FYTTD1: variants seen among roughly 807,000 people sequenced by gnomAD.
FYTTD1 encodes the protein forty-two-three domain containing 1.
A neutral mutation model predicts 40.9 loss-of-function variants in FYTTD1; 22 were observed. That is an observed-to-expected ratio of 0.54 (90% CI 0.38 to 0.77). The LOEUF (loss-of-function observed/expected upper bound fraction) is 0.77, where lower values mean the gene tolerates loss of function less well. FYTTD1 is among the 30% of genes least tolerant of loss of function. The probability of loss-of-function intolerance (pLI) is 0.00; values close to 1 mark genes in which losing one functional copy is unlikely to be tolerated. For missense variants in FYTTD1, 351 were observed against 392.2 expected (o/e 0.90, Z 0.89); for synonymous variants, 140 against 137.9 (o/e 1.01, Z -0.10).
Position 197,776,909 on chromosome 3 carries a change from T to A in FYTTD1, c.657-18T>A, listed in dbSNP as rs1291221623. 8.4e-6 allele frequency: 13 copies of A among 1,553,450 alleles called. No individual in the cohort carries two copies. Among genetic ancestry groups the A allele is most frequent in the East Asian group, 2.2e-5 (1 of 44,590 alleles). The stretch of plus-strand genomic sequence containing the variant: ...CAACTTACATTTAATGAATTTTTTT[T>A]ATTTTTTTTGAAACTAGATGGCGGA... On this transcript the variant is annotated intron_variant, in intron 6 of 8. Coordinates refer to ENST00000241502, the MANE Select transcript of FYTTD1 (RefSeq NM_032288.7).
chr3:197,779,152 C>A (rs1018535561), intron 8 of FYTTD1, among the ~76,000 whole-genome samples: 1 of 152,132 alleles, frequency 6.6e-6, no homozygotes, highest in Non-Finnish European at 1.5e-5. Flanking sequence ...CGGTGGCTCA[C>A]GCCTGTAATC....
intron 2 of FYTTD1, 134 bp from the exon 3 acceptor site, chr3:197,768,305 T>C (rs1462349944): frequency 4.9e-6 from 3 of 606,682 alleles, no homozygotes; most frequent in Non-Finnish European, 7.9e-6. Context: ...AAGTATTTTA[T>C]GTAATTTAAA....
intron 2 of FYTTD1, chr3:197,763,637 A>C: frequency 3.1e-6 from 1 of 325,022 alleles, no homozygotes. Context: ...GAGTATAAAG[A>C]GGTACTGAGA....
intron 2 of FYTTD1, among the ~76,000 whole-genome samples, chr3:197,767,413 C>T (rs576047333): frequency 2.0e-5 from 3 of 150,252 alleles, no homozygotes; most frequent in Admixed American, 2.0e-4. Context: ...GCTGGGATTA[C>T]AGGTGTGAGC....
intron 2 of FYTTD1, among the ~76,000 whole-genome samples, chr3:197,762,755 A>G (rs111408781): frequency 0.041 from 6,227 of 151,918 alleles, 330 homozygotes; most frequent in African/African-American, 0.13. Flanking sequence ...GGTAGCGGGC[A>G]CCTGTAGTCC....
In FYTTD1 at chr3:197,787,460, G is replaced by C. The variant is rs1730178118; in HGVS notation, c.*5551G>C. ...ATATGTTTCTACTGAGTAGAAGGGGGAAGGGAGGACATAACCTTTGCATGA... is the reference window on the plus strand; with the variant it reads ...ATATGTTTCTACTGAGTAGAAGGGGCAAGGGAGGACATAACCTTTGCATGA... On this transcript the variant is annotated 3_prime_UTR_variant, in exon 9 of 9. Transcript: ENST00000241502. The C allele has an allele frequency of 6.6e-6, 1 of 152,224 alleles. No individual in the cohort carries two copies. The highest frequency in any genetic ancestry group is 2.4e-5 in the African/African-American group (1 of 41,442). 9.4% of individuals were successfully genotyped at this position (152,224 alleles called of 1,614,324 possible).
chr3:197,752,512 T>TG (rs1442398817), intron 1 of FYTTD1, among the ~76,000 whole-genome samples: 1 of 152,142 alleles, frequency 6.6e-6, no homozygotes, highest in African/African-American at 2.4e-5. Context: ...ATACACTATA[T>TG]GTAGTATGTC....
intron 8 of FYTTD1, among the ~76,000 whole-genome samples, chr3:197,781,524 C>CTT (rs1385244753): frequency 6.6e-6 from 1 of 152,016 alleles, no homozygotes; most frequent in African/African-American, 2.4e-5. Context: ...AGAGTTCTTA[C>CTT]TTTTATCAGT....
chr3:197,778,253 G>A, intron 7 of FYTTD1, 85 bp from the exon 8 acceptor site: 1 of 1,036,514 alleles, frequency 9.6e-7, no homozygotes, highest in East Asian at 2.7e-5. Flanking sequence ...ATTTGAACAT[G>A]TGTACAAGAT....
chr3:197,750,000 G>A lies in FYTTD1; in HGVS notation c.29G>A (p.Gly10Glu), dbSNP rs1272912530. ...AACCGGTTTGGTACCCGGTTGGTGG[G>A]AGCCACGGCGACTTCTTCGCCGCCG... MNRFGTRLV[G>E]ATATSSPPPK... Residue 10 changes from glycine to glutamate, a missense_variant, in exon 1 of 9, where the codon GGA (glycine) becomes GAA (glutamate). By Grantham distance (98) the Gly-to-Glu change is moderately conservative. Coordinates refer to ENST00000241502, the MANE Select transcript of FYTTD1 (RefSeq NM_032288.7). 7 of 1,583,264 alleles carry A rather than the reference G, an allele frequency of 4.4e-6. No individual in the cohort carries two copies. Among genetic ancestry groups the A allele is most frequent in the Non-Finnish European group, 3.4e-6 (4 of 1,166,626 alleles).
At chr3:197,758,493 GAA>G (rs1348339073) in intron 2 of FYTTD1, among the ~76,000 whole-genome samples, 1 of 152,180 alleles carries the variant, frequency 6.6e-6, no homozygotes, top group African/African-American at 2.4e-5. Flanking sequence ...TGTTGTAAGA[GAA>G]ATTCAAATAG....
At chr3:197,764,766 CAGA>C (rs1028173188) in intron 2 of FYTTD1, among the ~76,000 whole-genome samples, 3 of 148,030 alleles carry the variant, frequency 2.0e-5, no homozygotes, top group Non-Finnish European at 3.0e-5. Flanking sequence ...AAAAAAACAG[CAGA>C]AAGATTGATA....
chr3:197,786,189 C>G lies in FYTTD1; in HGVS notation c.*4280C>G, dbSNP rs1360155843. ...GGAGTGCAATGGTGCGATCTCGGCTCACCCCAACCTCCGCCTCCCGGGTTC... is the reference window on the plus strand; with the variant it reads ...GGAGTGCAATGGTGCGATCTCGGCTGACCCCAACCTCCGCCTCCCGGGTTC... On this transcript the variant is annotated 3_prime_UTR_variant, in exon 9 of 9. Transcript: ENST00000241502. 1 of 150,506 alleles carries G rather than the reference C, an allele frequency of 6.6e-6. No individual in the cohort carries two copies. The highest frequency in any genetic ancestry group is 1.5e-5 in the Non-Finnish European group (1 of 67,950). 9.3% of individuals were successfully genotyped at this position (150,506 alleles called of 1,614,324 possible). A position where few individuals can be genotyped will look rare whatever the true frequency, so the allele number is the denominator to read the frequency against.
intron 4 of FYTTD1, among the ~76,000 whole-genome samples, chr3:197,771,497 C>A (rs1397090719): frequency 6.6e-6 from 1 of 152,094 alleles, no homozygotes; most frequent in African/African-American, 2.4e-5. Flanking sequence ...AAAAATTAGG[C>A]CGGGTGCGGT....
Position 197,778,480 on chromosome 3 carries a change from C to G in FYTTD1, c.858+16C>G, listed in dbSNP as rs1560501203. ...CGGAAAACAGGTAAAAAAACGTTTTCTGTATTTTCTTGGGTCATTTGCTGA... is the reference window on the plus strand; with the variant it reads ...CGGAAAACAGGTAAAAAAACGTTTTGTGTATTTTCTTGGGTCATTTGCTGA... On this transcript the variant is annotated intron_variant, in intron 8 of 8. Transcript: ENST00000241502. 6 of 1,569,406 alleles carry G rather than the reference C, an allele frequency of 3.8e-6. No individual in the cohort carries two copies. Among genetic ancestry groups the G allele is most frequent in the Non-Finnish European group, 5.2e-6 (6 of 1,148,914 alleles).
chr3:197,772,471 C>T (rs998843046), intron 4 of FYTTD1, among the ~76,000 whole-genome samples: 15 of 152,130 alleles, frequency 9.9e-5, no homozygotes, highest in Admixed American at 9.8e-4. Flanking sequence ...ACCACCATGG[C>T]ACATGTATAG....
intron 6 of FYTTD1, 140 bp downstream of exon 6, chr3:197,774,350 C>G: frequency 1.4e-6 from 1 of 692,236 alleles, no homozygotes; most frequent in Admixed American, 2.4e-5. Context: ...CATAGTGGTG[C>G]TACACACCTG....
At chr3:197,749,597 G>A, upstream of FYTTD1, 1 of 1,206,116 alleles carries the variant, frequency 8.3e-7, no homozygotes, top group Non-Finnish European at 1.1e-6. Context: ...GTCTGCAGCA[G>A]GAGGGACTCG....
chr3:197,768,965 A>G lies in FYTTD1; in HGVS notation c.384+378A>G, dbSNP rs1173336134. ...GTGCCACCACTCCCAGCTAATTTTC[A>G]TGTTGGCCAGGCTGGTCTCGAACTC... is the stretch of plus-strand genomic sequence containing the variant. On this transcript the variant is annotated intron_variant, in intron 3 of 8. Transcript: ENST00000241502. 2.0e-5 allele frequency among the ~76,000 whole-genome samples: 3 copies of G among 149,390 alleles called. 1 individual carries two copies. In the East Asian group the frequency reaches 6.0e-4, roughly 30 times the overall value.
Sources: allele counts gnomAD v4.1 joint callset (sites outside exome capture counted in the v4.1 genomes callset), GRCh38; gene constraint gnomAD v4.1.1; transcripts MANE v1.5; gene names NCBI Gene and HGNC (gene_info 2026-07-23, HGNC 2026-07-21).